TRPM3: variants seen among roughly 807,000 people sequenced by gnomAD.
TRPM3 encodes long transient receptor potential channel 3.
TRPM3 carries 77 observed loss-of-function variants against 181.2 expected under a neutral mutation model. That is an observed-to-expected ratio of 0.42 (90% CI 0.35 to 0.51). The LOEUF is 0.51. Among genes scored for constraint, TRPM3 ranks in the 20% least tolerant of loss-of-function variants. TRPM3 has a pLI of 0.01. For synonymous variants in TRPM3, 745 were observed against 796.4 expected (o/e 0.94, Z 1.09); for missense variants, 1,759 against 2,196.7 (o/e 0.80, Z 3.98).
chr9:71,317,176 C>T (rs2088684513), intron 1 of TRPM3, among the ~76,000 whole-genome samples: 1 of 152,088 alleles, frequency 6.6e-6, no homozygotes, highest in African/African-American at 2.4e-5. Flanking sequence ...AGATTAAAGG[C>T]TCAAAAATGA....
At position 71,441,630 on chromosome 9, in the gene TRPM3, C is replaced by CTT. The variant is rs559254034; in HGVS notation, c.183+5021_183+5022dup. 1.1e-3 allele frequency among the ~76,000 whole-genome samples: 127 copies of CTT among 114,580 alleles called. 2 individuals carry two copies. Among genetic ancestry groups the CTT allele is most frequent in the African/African-American group, 3.1e-3 (94 of 30,366 alleles). The allele number at this position is 114,580 out of a possible 152,430, so 75.2% of individuals were successfully genotyped here. A position where few individuals can be genotyped will look rare whatever the true frequency, so the allele number is the denominator to read the frequency against. On this transcript the variant is annotated intron_variant, in intron 1 of 24. Coordinates refer to the TRPM3 transcript ENST00000357533. The stretch of plus-strand genomic sequence containing the variant: ...GACTTTAGTTTTGCCTTTGACTCGG[C>CTT]TTTTTTTTTTTTTTTTTTTCTGAGA...
intron 1 of TRPM3, among the ~76,000 whole-genome samples, chr9:71,133,990 TGTGTGTGTGTGTGTGTGTGTGTGTGCGC>T (rs907686002): frequency 2.8e-5 from 4 of 141,914 alleles, no homozygotes; most frequent in Admixed American, 6.8e-5. Flanking sequence ...TGTGTGTGTG[TGTGTGTGTGTGTGTGTGTGTGTGTGCGC>T]GTGCGCGCGC....
chr9:71,087,861 A>G (rs758479509), intron 1 of TRPM3, among the ~76,000 whole-genome samples: 1 of 152,154 alleles, frequency 6.6e-6, no homozygotes, highest in East Asian at 1.9e-4. Flanking sequence ...TATAATCTGC[A>G]TGAATACAAA....
At chr9:71,157,191 A>G (rs2134673384) in intron 1 of TRPM3, among the ~76,000 whole-genome samples, 1 of 152,240 alleles carries the variant, frequency 6.6e-6, no homozygotes, top group Admixed American at 6.5e-5. Flanking sequence ...CAAAAAGCAT[A>G]ACACCTACAC....
chr9:70,761,867 C>G, intron 7 of TRPM3, 143 bp from the exon 8 acceptor site: 1 of 956,050 alleles, frequency 1.0e-6, no homozygotes, highest in Non-Finnish European at 1.5e-6. Flanking sequence ...AAAGGTATCC[C>G]GCCTGTGATA....
intron 1 of TRPM3, among the ~76,000 whole-genome samples, chr9:71,405,448 T>C (rs920954877): frequency 2.6e-5 from 4 of 152,182 alleles, no homozygotes; most frequent in African/African-American, 9.6e-5. Flanking sequence ...CAGCAGATAA[T>C]TGCTAGGTTT....
chr9:70,594,324 T>C (rs1175463837), intron 21 of TRPM3, among the ~76,000 whole-genome samples: 1 of 152,160 alleles, frequency 6.6e-6, no homozygotes, highest in East Asian at 1.9e-4. Context: ...GAGGTCAGGT[T>C]GTGGGGTCAG....
At chr9:71,126,424 TCTTC>T (rs2074035507), upstream of TRPM3, among the ~76,000 whole-genome samples, 1 of 152,198 alleles carries the variant, frequency 6.6e-6, no homozygotes, top group Non-Finnish European at 1.5e-5. Flanking sequence ...CTTTCCTGGT[TCTTC>T]CTTTTAACTT....
intron 1 of TRPM3, among the ~76,000 whole-genome samples, chr9:71,296,988 C>CTTTTTTTTTT (rs398010878): frequency 1.0e-5 from 1 of 97,868 alleles, no homozygotes; most frequent in Non-Finnish European, 2.0e-5. Context: ...TGAATCTTTT[C>CTTTTTTTTTT]TTTTTTTTTT....
chr9:71,300,380 T>C (rs1436154312), intron 1 of TRPM3, among the ~76,000 whole-genome samples: 1 of 152,142 alleles, frequency 6.6e-6, no homozygotes, highest in Non-Finnish European at 1.5e-5. Flanking sequence ...CTCCATTCAA[T>C]TGTAAAATCT....
At position 70,553,330 on chromosome 9, in the gene TRPM3, C is replaced by T. The variant is rs1230041610; in HGVS notation, c.3224-20G>A. 6.2e-7 allele frequency: 1 copy of T among 1,610,092 alleles called. No individual in the cohort carries two copies. The highest frequency in any genetic ancestry group is 8.5e-7 in the Non-Finnish European group (1 of 1,177,658). ...AGGGAGCTGGAGGGAGCAACACACA[C>T]AAGAAATGAGAAACTGGCTATTTGA... On this transcript the variant is annotated intron_variant, in intron 22 of 25. Coordinates refer to ENST00000677713, the MANE Select transcript of TRPM3 (RefSeq NM_001366145.2).
At chr9:71,155,120 T>C (rs1248936340) in intron 1 of TRPM3, among the ~76,000 whole-genome samples, 1 of 152,112 alleles carries the variant, frequency 6.6e-6, no homozygotes, top group Non-Finnish European at 1.5e-5. Flanking sequence ...CACACCCCTA[T>C]TTGTACAACA....
At chr9:70,548,007 G>C (rs766479822) in intron 25 of TRPM3, among the ~76,000 whole-genome samples, 7 of 152,156 alleles carry the variant, frequency 4.6e-5, no homozygotes, top group Non-Finnish European at 1.0e-4. Flanking sequence ...AGCCTTCCTT[G>C]CATCTTAACA....
Position 71,284,429 on chromosome 9 carries a change from G to A in TRPM3, c.183+162224C>T, listed in dbSNP as rs964014732. The stretch of plus-strand genomic sequence containing the variant: ...CATCCTTATATGTGAAGAAAACGTG[G>A]AGAATACAACACTTGATCTGTCTAA... On this transcript the variant is annotated intron_variant, in intron 1 of 24. Coordinates refer to the TRPM3 transcript ENST00000357533. Among the ~76,000 whole-genome samples the A allele has an allele frequency of 3.9e-5, 6 of 152,236 alleles. No homozygotes were observed. The East Asian group carries it at 7.7e-4, about 20-fold the overall frequency.
chr9:70,616,051 G>A lies in TRPM3; in HGVS notation c.2383C>T (p.Pro795Ser). 1 of 1,605,966 alleles carries A rather than the reference G, an allele frequency of 6.2e-7. No homozygotes were observed. The highest frequency in any genetic ancestry group is 8.5e-7 in the Non-Finnish European group (1 of 1,177,246). Residue 795 changes from proline (P) to serine (S), a missense_variant, in exon 18 of 26, where the codon CCT (proline) becomes TCT (serine). Physicochemically the swap from Pro to Ser is moderately conservative, Grantham distance 74. This residue lies in a region of TRPM3 where 114 missense variants were observed against 134.8 expected (regional missense o/e 0.85). Transcript: ENST00000677713. ...TTGAACTCCAAGCTGAGAATTGAAGGAGGAAGTAGAATTCCCAGAATTACC... is the reference window on the plus strand; with the variant it reads ...TTGAACTCCAAGCTGAGAATTGAAGAAGGAAGTAGAATTCCCAGAATTACC... ...LKVILGILLPPSILSLEFKNK... is the reference protein window; with the variant it reads ...LKVILGILLPSSILSLEFKNK...
upstream of TRPM3, among the ~76,000 whole-genome samples, chr9:71,123,149 T>C (rs1565248296): frequency 6.6e-6 from 1 of 152,220 alleles, no homozygotes. Context: ...ACAAGCTTTC[T>C]CTTGTCTCCT....
Position 71,310,287 on chromosome 9 carries a change from C to A in TRPM3, c.183+136366G>T, listed in dbSNP as rs974086727. On this transcript the variant is annotated intron_variant, in intron 1 of 24. Coordinates refer to the TRPM3 transcript ENST00000357533. The stretch of plus-strand genomic sequence containing the variant: ...CTCTCTAGCAGTCAGGAAAAAAAAA[C>A]CCAAAATAAAACTAATCTGAAATGT... 6.6e-5 allele frequency among the ~76,000 whole-genome samples: 10 copies of A among 151,284 alleles called. 1 individual carries two copies. Among genetic ancestry groups the A allele is most frequent in the African/African-American group, 9.7e-5 (4 of 41,162 alleles).
rs71507012 is a variant in TRPM3, at chr9:70,793,455, CAA to C, written c.974-9178_974-9177del. 152 of 107,072 alleles carry C rather than the reference CAA, an allele frequency of 1.4e-3. 1 individual carries two copies. The highest frequency in any genetic ancestry group is 3.3e-3 in the East Asian group (14 of 4,198). The allele number at this position is 107,072 out of a possible 1,614,324, so 6.6% of individuals were successfully genotyped here. A position where few individuals can be genotyped will look rare whatever the true frequency, so the allele number is the denominator to read the frequency against. On this transcript the variant is annotated intron_variant, in intron 6 of 25. Coordinates refer to ENST00000677713, the MANE Select transcript of TRPM3 (RefSeq NM_001366145.2). ...TCAGTGACAGAGTGAGGCTTTGTCTCAAAAAAAAAAAAAAATATATATATATA... is the reference window on the plus strand; with the variant it reads ...TCAGTGACAGAGTGAGGCTTTGTCTCAAAAAAAAAAAAATATATATATATA...
intron 1 of TRPM3, among the ~76,000 whole-genome samples, chr9:71,003,067 G>T (rs2097628538): frequency 6.6e-6 from 1 of 151,212 alleles, no homozygotes. Flanking sequence ...CTCTTTTTCT[G>T]GTCATTTGTT....
Sources: gnomAD v4.1 joint callset for allele counts (sites outside exome capture counted in the v4.1 genomes callset) on GRCh38, gnomAD v4.1.1 for gene constraint, gnomAD v4.1.1 regional missense constraint, MANE v1.5 for transcripts, NCBI Gene and HGNC (gene_info 2026-07-23, HGNC 2026-07-21) for gene names.